The following DNAJC5B variants were observed in gnomAD, a reference collection of about 807,000 sequenced individuals.
DNAJC5B encodes the protein DnaJ heat shock protein family (Hsp40) member C5 beta, also known as dnaJ homolog subfamily C member 5B.
A neutral mutation model predicts 24.7 loss-of-function variants in DNAJC5B; 23 were observed. That is an observed-to-expected ratio of 0.93 (90% CI 0.67 to 1.32). The LOEUF (loss-of-function observed/expected upper bound fraction) is 1.32, where lower values mean the gene tolerates loss of function less well. Among genes scored for constraint, DNAJC5B ranks in the 40% most tolerant of loss-of-function variants. The pLI, the probability that DNAJC5B is intolerant of heterozygous loss-of-function variation, is 0.00. For synonymous variants in DNAJC5B, 101 were observed against 90.1 expected, an observed-to-expected ratio of 1.12 and a Z score of -0.68; for missense variants, 238 against 240.8, an observed-to-expected ratio of 0.99 and a Z score of 0.08.
chr8:66,077,742 A>G (rs143047831), intron 4 of DNAJC5B, among the ~76,000 whole-genome samples: 1 of 152,350 alleles, frequency 6.6e-6, no homozygotes, highest in East Asian at 1.9e-4. Context: ...AAATCTTGCT[A>G]AATTGAGTTT....
intron 1 of DNAJC5B, among the ~76,000 whole-genome samples, chr8:66,034,958 C>T (rs1184200778): frequency 6.6e-6 from 1 of 152,202 alleles, no homozygotes; most frequent in Admixed American, 6.5e-5. Flanking sequence ...GTTGGGTCAT[C>T]TTGTCCTCAA....
chr8:66,031,347 C>G (rs1806357060), intron 1 of DNAJC5B, among the ~76,000 whole-genome samples: 1 of 152,148 alleles, frequency 6.6e-6, no homozygotes, highest in Admixed American at 6.5e-5. Flanking sequence ...TCATTATTGG[C>G]ATTTCCTCCT....
intron 3 of DNAJC5B, among the ~76,000 whole-genome samples, chr8:66,067,388 C>T (rs1807243885): frequency 6.6e-6 from 1 of 152,012 alleles, no homozygotes; most frequent in Non-Finnish European, 1.5e-5. Flanking sequence ...TATTGAGATT[C>T]TGAAGTGCTG....
In DNAJC5B at chr8:66,076,738, C is replaced by G; in HGVS notation, c.198C>G (p.Asn66Lys). 1 of 1,614,140 alleles carries G rather than the reference C, an allele frequency of 6.2e-7. No individual in the cohort carries two copies. The highest frequency in any genetic ancestry group is 8.5e-7 in the Non-Finnish European group (1 of 1,180,018). ...CTGAGAAGTTTAAAGAAATCAACAACGCCCACGCAATACTTACCGACATTT... is the reference window on the plus strand; with the variant it reads ...CTGAGAAGTTTAAAGAAATCAACAAGGCCCACGCAATACTTACCGACATTT... ...AATEKFKEINNAHAILTDISK... is the reference protein window; with the variant it reads ...AATEKFKEINKAHAILTDISK... Residue 66 changes from asparagine (N) to lysine (K), a missense_variant, in exon 4 of 6, where the codon AAC (asparagine) becomes AAG (lysine). Coordinates refer to ENST00000276570, the MANE Select transcript of DNAJC5B (RefSeq NM_033105.6).
chr8:66,062,013 C>T (rs990834207), intron 3 of DNAJC5B, among the ~76,000 whole-genome samples: 6 of 152,148 alleles, frequency 3.9e-5, no homozygotes, highest in African/African-American at 1.4e-4. Context: ...GCCCACTGCG[C>T]TGTTCCAGCA....
At chr8:66,060,943 A>T (rs1033820762) in intron 3 of DNAJC5B, among the ~76,000 whole-genome samples, 54 of 152,226 alleles carry the variant, frequency 3.5e-4, no homozygotes, top group African/African-American at 1.1e-3. Context: ...CTTAATAATG[A>T]ACACATAAGT....
chr8:66,055,391 A>G (rs1368130507), intron 3 of DNAJC5B, among the ~76,000 whole-genome samples: 1 of 152,242 alleles, frequency 6.6e-6, no homozygotes. Flanking sequence ...TAATAAAATT[A>G]CCAGCTGTTG....
chr8:66,035,061 A>T (rs1180802905), intron 1 of DNAJC5B, among the ~76,000 whole-genome samples: 1 of 152,236 alleles, frequency 6.6e-6, no homozygotes, highest in Non-Finnish European at 1.5e-5. Flanking sequence ...GGTTAGTATC[A>T]ATGAAAGAGA....
Position 66,080,521 on chromosome 8 carries a change from G to A in DNAJC5B, c.478G>A (p.Glu160Lys), listed in dbSNP as rs1217304685. 1 of 1,612,524 alleles carries A rather than the reference G, an allele frequency of 6.2e-7. No individual in the cohort carries two copies. The highest frequency in any genetic ancestry group is 8.5e-7 in the Non-Finnish European group (1 of 1,179,268). The change falls in exon 5 of 6, where the codon GAG (glutamate) becomes AAG (lysine). Residue 160 changes from glutamate (E) to lysine (K), a missense_variant. Transcript: ENST00000276570. ...CTATGTGTCCCCAGAGGATCTGGAG[G>A]AGCAGATCAAGTCTGACATGGAAAA... Reference protein sequence around the residue: ...DFYVSPEDLEEQIKSDMEKDV... With the variant: ...DFYVSPEDLEKQIKSDMEKDV...
intron 1 of DNAJC5B, among the ~76,000 whole-genome samples, chr8:66,042,381 A>C (rs1292800659): frequency 2.6e-5 from 4 of 152,222 alleles, no homozygotes; most frequent in African/African-American, 7.2e-5. Flanking sequence ...AGAGTGATTC[A>C]TTGTGCAAAA....
upstream of DNAJC5B, among the ~76,000 whole-genome samples, chr8:66,020,884 C>T (rs552016596): frequency 2.6e-5 from 4 of 152,142 alleles, no homozygotes; most frequent in African/African-American, 4.8e-5. Context: ...GTGATCCTCC[C>T]ACCTCAGCCT....
chr8:66,065,378 T>C (rs80011806), intron 3 of DNAJC5B, among the ~76,000 whole-genome samples: 6,536 of 152,322 alleles, frequency 0.043, 471 homozygotes, highest in African/African-American at 0.15. Flanking sequence ...CTGGTCAAAG[T>C]ACTTGAATCA....
Position 66,076,778 on chromosome 8 carries a change from T to G in DNAJC5B, c.238T>G (p.Tyr80Asp), listed in dbSNP as rs1807475220. The part of the protein sequence containing the change: ...ILTDISKRSI[Y>D]DKYGSLGLYV... ...TACCGACATTTCAAAGAGAAGCATA[T>G]ACGACAAGTACGGATCGCTGGGACT... The change falls in exon 4 of 6, where the codon TAC becomes GAC. Residue 80 changes from tyrosine (Y) to aspartate (D), a missense_variant. By Grantham distance (160) the Tyr-to-Asp change is radical (BLOSUM62 -3). Transcript: ENST00000276570. 6.2e-7 allele frequency: 1 copy of G among 1,614,058 alleles called. No homozygotes were observed. The highest frequency in any genetic ancestry group is 1.7e-5 in the Admixed American group (1 of 60,004).
intron 5 of DNAJC5B, among the ~76,000 whole-genome samples, chr8:66,087,409 T>A: frequency 6.6e-6 from 1 of 152,174 alleles, no homozygotes; most frequent in Middle Eastern, 3.2e-3. Context: ...AACCATATCA[T>A]TCTGCCCCTG....
intron 3 of DNAJC5B, 33 bp downstream of exon 3, chr8:66,051,699 A>G (rs1206541221): frequency 4.0e-6 from 6 of 1,511,050 alleles, no homozygotes; most frequent in African/African-American, 2.8e-5. Context: ...TTCTTCTGCT[A>G]CTAGTGAGTT....
intron 5 of DNAJC5B, among the ~76,000 whole-genome samples, chr8:66,091,585 C>T (rs1374521288): frequency 2.6e-5 from 4 of 152,038 alleles, no homozygotes; most frequent in African/African-American, 7.2e-5. Context: ...ATCAAGTAAT[C>T]GAATGAAGCA....
chr8:66,032,200 C>T (rs1806374069), intron 1 of DNAJC5B, among the ~76,000 whole-genome samples: 1 of 152,232 alleles, frequency 6.6e-6, no homozygotes, highest in Non-Finnish European at 1.5e-5. Flanking sequence ...TGGCCACTGC[C>T]TCCCAGCACT....
chr8:66,076,842 C>G lies in DNAJC5B; in HGVS notation c.302C>G (p.Thr101Ser). Residue 101 changes from threonine (T) to serine (S), a missense_variant, in exon 4 of 6, where the codon ACC (threonine) becomes AGC (serine). Physicochemically the swap from Thr to Ser is moderately conservative, Grantham distance 58. Coordinates refer to ENST00000276570, the MANE Select transcript of DNAJC5B (RefSeq NM_033105.6). ...AEQFGDENVNTYFMLSSWWAK... is the reference protein window; with the variant it reads ...AEQFGDENVNSYFMLSSWWAK... ...CAGTTTGGAGACGAAAACGTTAACA[C>G]CTACTTCATGCTGTCGAGCTGGTGG... 6.2e-7 allele frequency: 1 copy of G among 1,614,126 alleles called. No individual in the cohort carries two copies. The highest frequency in any genetic ancestry group is 8.5e-7 in the Non-Finnish European group (1 of 1,180,012).
At chr8:66,022,449 G>T (rs1275519397) in intron 1 of DNAJC5B, among the ~76,000 whole-genome samples, 3 of 152,200 alleles carry the variant, frequency 2.0e-5, no homozygotes, top group African/African-American at 7.2e-5. Context: ...CGACCCCGGA[G>T]TTGGAGCACA....
Sources: gnomAD v4.1 joint callset for allele counts (sites outside exome capture counted in the v4.1 genomes callset) on GRCh38, gnomAD v4.1.1 for gene constraint, MANE v1.5 for transcripts, NCBI Gene and HGNC (gene_info 2026-07-23, HGNC 2026-07-21) for gene names.